Variants in BACE1 observed in about 807,000 individuals in gnomAD.
BACE1 encodes the protein APP beta-secretase.
A neutral mutation model predicts 54.0 loss-of-function variants in BACE1; 21 were observed. The ratio of observed to expected loss-of-function variants is 0.39; its 90% confidence interval spans 0.28 to 0.56. The LOEUF (loss-of-function observed/expected upper bound fraction) is 0.56, where lower values mean the gene tolerates loss of function less well. Among genes scored for constraint, BACE1 ranks in the 20% least tolerant of loss-of-function variants. BACE1 has a pLI of 0.63. For missense variants in BACE1, 511 were observed against 661.2 expected (o/e 0.77, Z 2.49); for synonymous variants, 232 against 260.9 (o/e 0.89, Z 1.07).
chr11:117,290,708 C>A (rs775285842), intron 7 of BACE1, 49 bp from the exon 8 acceptor site: 2 of 1,588,442 alleles, frequency 1.3e-6, no homozygotes, highest in South Asian at 2.3e-5. Flanking sequence ...TCTCCTTCAC[C>A]CCATCTCTGC....
rs1348584813 is a variant in BACE1, at chr11:117,293,973, C to T, written c.603G>A (p.Leu201=). ...DDSLEPFFDS[L]VKQTHVPNLF... ...GGTTGGGAACGTGGGTCTGCTTTAC[C>T]AGAGAGTCAAAGAAAGGCTCCAGGG... Residue 201 remains leucine (L), a synonymous_variant, in exon 4 of 9, where the codon CTG becomes CTA. Transcript: ENST00000313005. This position sits in a 1 kb window ranked among gnomAD's most constrained non-coding sequence, Gnocchi z 4.1. 1 of 1,613,862 alleles carries T rather than the reference C, an allele frequency of 6.2e-7. No homozygotes were observed. Among genetic ancestry groups the T allele is most frequent in the African/African-American group, 1.3e-5 (1 of 74,990 alleles).
intron 6 of BACE1, among the ~76,000 whole-genome samples, chr11:117,291,337 C>T (rs940642644): frequency 1.2e-4 from 18 of 150,250 alleles, no homozygotes; most frequent in African/African-American, 2.5e-4. Flanking sequence ...AGTGCAGTGG[C>T]GCAATCATGG....
At chr11:117,314,952 G>C (rs2134506918) in intron 1 of BACE1, among the ~76,000 whole-genome samples, 1 of 152,236 alleles carries the variant, frequency 6.6e-6, no homozygotes, top group South Asian at 2.1e-4. Context: ...AAGGGGAGGA[G>C]GAGGGGACGG....
Position 117,289,403 on chromosome 11 carries a change from C to T in BACE1, c.*163G>A. 9.6e-6 allele frequency: 12 copies of T among 1,250,034 alleles called. No individual in the cohort carries two copies. Among genetic ancestry groups the T allele is most frequent in the Non-Finnish European group, 1.3e-5 (12 of 927,922 alleles). The allele number at this position is 1,250,034 out of a possible 1,614,324, so 77.4% of individuals were successfully genotyped here. On this transcript the variant is annotated 3_prime_UTR_variant, in exon 9 of 9. Coordinates refer to ENST00000313005, the MANE Select transcript of BACE1 (RefSeq NM_012104.6). ...TACAGGTACAGTCCCTGGAACCCAC[C>T]TTGCCAGCCTTTTCCTTCTCCATCA...
chr11:117,295,432 T>G, intron 2 of BACE1, 85 bp from the exon 3 acceptor site: 6 of 1,552,458 alleles, frequency 3.9e-6, no homozygotes, highest in Non-Finnish European at 5.2e-6. Context: ...AACACCACCT[T>G]ATCTCATCTC....
rs1036920871 is a variant in BACE1 at position 117,315,020 on chromosome 11, A to G, written c.261+515T>C. On this transcript the variant is annotated intron_variant, in intron 1 of 8. Coordinates refer to ENST00000313005, the MANE Select transcript of BACE1 (RefSeq NM_012104.6). This position sits in a 1 kb window ranked among gnomAD's most constrained non-coding sequence, Gnocchi z 5.5. ...CAGTCAGGGGGGCCTCGACAACCTC[A>G]CTTTGCCGTACCAGTGGCAGCCCAG... 4.6e-5 allele frequency among the ~76,000 whole-genome samples: 7 copies of G among 152,174 alleles called. No individual in the cohort carries two copies. The South Asian group carries it at 1.5e-3, about 32-fold the overall frequency.
intron 1 of BACE1, among the ~76,000 whole-genome samples, chr11:117,311,410 C>T (rs900338376): frequency 3.9e-5 from 6 of 152,060 alleles, no homozygotes; most frequent in South Asian, 4.1e-4. Flanking sequence ...TCTTGTTATC[C>T]TCCAGTTCAC....
At position 117,291,015 on chromosome 11, in the gene BACE1, T is replaced by C; in HGVS notation, c.977A>G (p.Glu326Gly). Residue 326 changes from glutamate to glycine, a missense_variant, in exon 7 of 9, where the codon GAG becomes GGG. Coordinates refer to ENST00000313005, the MANE Select transcript of BACE1 (RefSeq NM_012104.6). ...EKFPDGFWLGEQLVCWQAGTT... is the reference protein window; with the variant it reads ...EKFPDGFWLGGQLVCWQAGTT... Reference sequence around the variant, plus strand: ...GCCTGCTTGCCAGCACACCAGCTGCTCTCCTAGCCAGAAACCATCAGGGAA... The same window carrying C: ...GCCTGCTTGCCAGCACACCAGCTGCCCTCCTAGCCAGAAACCATCAGGGAA... The C allele has an allele frequency of 6.2e-7, 1 of 1,614,108 alleles. No individual in the cohort carries two copies. The highest frequency in any genetic ancestry group is 8.5e-7 in the Non-Finnish European group (1 of 1,180,012).
chr11:117,289,773 G>A lies in BACE1; in HGVS notation c.1299C>T (p.Gly433=). The stretch of plus-strand genomic sequence containing the variant: ...CTTCCATGTCCAAGGTGACAAAAGG[G>A]CCTTCCACCGCTGCCGTCCTGAACT... ...HDEFRTAAVE[G]PFVTLDMEDC... The change falls in exon 9 of 9, where the codon GGC becomes GGT. Residue 433 remains glycine, a synonymous_variant. Transcript: ENST00000313005. The A allele has an allele frequency of 6.2e-7, 1 of 1,614,194 alleles. No homozygotes were observed.
chr11:117,301,148 C>T (rs1218282829), intron 1 of BACE1, among the ~76,000 whole-genome samples: 1 of 152,232 alleles, frequency 6.6e-6, no homozygotes, highest in Non-Finnish European at 1.5e-5. Flanking sequence ...TTGGCAGGCT[C>T]CTTTCTCAAG....
intron 1 of BACE1, among the ~76,000 whole-genome samples, chr11:117,313,500 T>C (rs1368477006): frequency 6.6e-6 from 1 of 152,188 alleles, no homozygotes; most frequent in Non-Finnish European, 1.5e-5. Context: ...AATGGTGCGA[T>C]CTTGTCTCAC....
At chr11:117,290,712 T>C (rs1409167610) in intron 7 of BACE1, 53 bp from the exon 8 acceptor site, 16 of 1,602,106 alleles carry the variant, frequency 1.0e-5, no homozygotes, top group Non-Finnish European at 1.3e-5. Flanking sequence ...CTTCACCCCA[T>C]CTCTGCCTTG....
At chr11:117,307,730 C>A (rs1356298533) in intron 1 of BACE1, among the ~76,000 whole-genome samples, 1 of 152,140 alleles carries the variant, frequency 6.6e-6, no homozygotes, top group African/African-American at 2.4e-5. Context: ...TCAATGCCCC[C>A]TCACTCCCAG....
chr11:117,308,785 A>G lies in BACE1; in HGVS notation c.261+6750T>C, dbSNP rs945968150. On this transcript the variant is annotated intron_variant, in intron 1 of 8. Coordinates refer to ENST00000313005, the MANE Select transcript of BACE1 (RefSeq NM_012104.6). ...CCAACATGGTGAAACCCCCATCTCTACTAAAAATACCAAAAAAAATAGCTG... is the reference window on the plus strand; with the variant it reads ...CCAACATGGTGAAACCCCCATCTCTGCTAAAAATACCAAAAAAAATAGCTG... Among the ~76,000 whole-genome samples the G allele has an allele frequency of 3.4e-4, 52 of 151,804 alleles. 1 individual carries two copies. Among genetic ancestry groups the G allele is most frequent in the African/African-American group, 1.3e-3 (52 of 41,276 alleles).
intron 1 of BACE1, among the ~76,000 whole-genome samples, chr11:117,307,070 A>T (rs1306802637): frequency 6.6e-6 from 1 of 152,068 alleles, no homozygotes; most frequent in Non-Finnish European, 1.5e-5. Context: ...TCTCCCCAGC[A>T]CAGCCCAGCT....
intron 1 of BACE1, chr11:117,314,794 C>T (rs2035042791): frequency 6.6e-6 from 1 of 152,462 alleles, no homozygotes. Context: ...ACTCCCCTCT[C>T]CCCCGCCATG....
chr11:117,295,704 T>C, intron 2 of BACE1: 1 of 1,476,620 alleles, frequency 6.8e-7, no homozygotes, highest in Non-Finnish European at 9.0e-7. Context: ...TCCGTCAAGC[T>C]CCCCGAGAAA....
chr11:117,313,313 A>G (rs1177335216), intron 1 of BACE1, among the ~76,000 whole-genome samples: 1 of 152,220 alleles, frequency 6.6e-6, no homozygotes, highest in Non-Finnish European at 1.5e-5. Context: ...TCTTCTAGAA[A>G]GGAACGAGGA....
chr11:117,295,291 T>C lies in BACE1; in HGVS notation c.407A>G (p.Lys136Arg), dbSNP rs969230318. ...GTCGGTGCCCAGCTCCCCTTCCCAC[T>C]TGCCCTGGGTGTAGGGCACATACAC... ...KGVYVPYTQG[K>R]WEGELGTDLV... The change falls in exon 3 of 9, where the codon AAG becomes AGG. Residue 136 changes from lysine to arginine, a missense_variant. By Grantham distance (26) the Lys-to-Arg change is conservative. This residue lies in a region of BACE1 where 407 missense variants were observed against 565.7 expected (regional missense o/e 0.72). Coordinates refer to ENST00000313005, the MANE Select transcript of BACE1 (RefSeq NM_012104.6). 1.2e-6 allele frequency: 2 copies of C among 1,614,212 alleles called. No homozygotes were observed. Among genetic ancestry groups the C allele is most frequent in the Non-Finnish European group, 1.7e-6 (2 of 1,180,034 alleles).
Sources: gnomAD v4.1 joint callset for allele counts (sites outside exome capture counted in the v4.1 genomes callset) on GRCh38, gnomAD v4.1.1 for gene constraint, gnomAD v4.1.1 regional missense constraint, Gnocchi (gnomAD v3.1) non-coding constraint, MANE v1.5 for transcripts, NCBI Gene and HGNC (gene_info 2026-07-23, HGNC 2026-07-21) for gene names.